The following SNAP25 variants were observed in gnomAD, a reference collection of about 807,000 sequenced individuals.
The protein encoded by SNAP25 is synaptosomal-associated protein 25.
SNAP25 carries 3 observed loss-of-function variants against 28.7 expected under a neutral mutation model. That is an observed-to-expected ratio of 0.10 (90% CI 0.05 to 0.27). The LOEUF is 0.27. Among genes scored for constraint, SNAP25 ranks in the 10% least tolerant of loss-of-function variants. SNAP25 has a pLI of 1.00. For synonymous variants in SNAP25, 61 were observed against 88.1 expected (o/e 0.69, Z 1.72); for missense variants, 117 against 278.7 (o/e 0.42, Z 4.13).
intron 5 of SNAP25, among the ~76,000 whole-genome samples, chr20:10,295,688 C>CA (rs33935419): frequency 0.45 from 68,322 of 151,098 alleles, 16,019 homozygotes; most frequent in Middle Eastern, 0.54. Context: ...TGGTGTCTTA[C>CA]AAAAAAAAAT....
intron 7 of SNAP25, among the ~76,000 whole-genome samples, chr20:10,305,536 T>C (rs1336939705): frequency 6.6e-6 from 1 of 152,074 alleles, no homozygotes; most frequent in Non-Finnish European, 1.5e-5. Context: ...AGCAAGACCC[T>C]GTCTCAAAAA....
At chr20:10,232,300 T>G (rs1280704013) in intron 1 of SNAP25, among the ~76,000 whole-genome samples, 1 of 152,238 alleles carries the variant, frequency 6.6e-6, no homozygotes, top group African/African-American at 2.4e-5. Context: ...TTGGCATAGC[T>G]TGGGCCAAGT....
intron 4 of SNAP25, 148 bp downstream of exon 4, chr20:10,284,920 T>C (rs2063846397): frequency 1.5e-6 from 1 of 646,666 alleles, no homozygotes; most frequent in Non-Finnish European, 2.7e-6. Context: ...TTGCTTTTTT[T>C]CTTTCTCTGT....
intron 1 of SNAP25, among the ~76,000 whole-genome samples, chr20:10,234,257 T>A (rs1199711815): frequency 6.6e-6 from 1 of 152,140 alleles, no homozygotes; most frequent in Non-Finnish European, 1.5e-5. Context: ...TTTGCAGATA[T>A]GAAAACTGGG....
chr20:10,239,862 G>A (rs1405209690), intron 1 of SNAP25, among the ~76,000 whole-genome samples: 2 of 152,152 alleles, frequency 1.3e-5, no homozygotes, highest in Non-Finnish European at 2.9e-5. Context: ...GAAGCCCCCT[G>A]ACTTTGGGGA....
At chr20:10,245,691 TACACAC>T (rs34503380) in intron 1 of SNAP25, among the ~76,000 whole-genome samples, 1 of 150,882 alleles carries the variant, frequency 6.6e-6, no homozygotes, top group Non-Finnish European at 1.5e-5. Context: ...CTTCATCTTA[TACACAC>T]ACACACACAC....
At chr20:10,280,936 C>G (rs1382470067) in intron 3 of SNAP25, among the ~76,000 whole-genome samples, 1 of 152,098 alleles carries the variant, frequency 6.6e-6, no homozygotes, top group African/African-American at 2.4e-5. Flanking sequence ...TTCAGATATG[C>G]AGATGTGGGG....
chr20:10,250,106 A>G (rs1279039787), intron 1 of SNAP25, among the ~76,000 whole-genome samples: 1 of 152,172 alleles, frequency 6.6e-6, no homozygotes, highest in Non-Finnish European at 1.5e-5. Context: ...AAGAAAAAAA[A>G]CTGATTGCAA....
intron 1 of SNAP25, among the ~76,000 whole-genome samples, chr20:10,269,408 A>T (rs1288617633): frequency 1.1e-4 from 17 of 152,346 alleles, no homozygotes; most frequent in African/African-American, 4.8e-5. Context: ...TCTTAAAAAT[A>T]AAAAATTAAA....
chr20:10,279,909 C>T (rs2063751302), intron 3 of SNAP25, among the ~76,000 whole-genome samples: 1 of 152,192 alleles, frequency 6.6e-6, no homozygotes, highest in Non-Finnish European at 1.5e-5. Flanking sequence ...TATGGTCAAA[C>T]ATCCTGATGT....
At chr20:10,282,111 A>T (rs1378577158) in intron 3 of SNAP25, among the ~76,000 whole-genome samples, 10 of 150,242 alleles carry the variant, frequency 6.7e-5, no homozygotes, top group South Asian at 6.3e-4. Context: ...TGCCTAGAGC[A>T]GAGTAGAGGC....
At chr20:10,240,483 G>T (rs1403594937) in intron 1 of SNAP25, among the ~76,000 whole-genome samples, 2 of 152,312 alleles carry the variant, frequency 1.3e-5, no homozygotes, top group South Asian at 4.1e-4. Flanking sequence ...ATGCTCAAGA[G>T]AAGGAGATGA....
At chr20:10,280,077 C>T (rs922004487) in intron 3 of SNAP25, among the ~76,000 whole-genome samples, 2 of 152,288 alleles carry the variant, frequency 1.3e-5, no homozygotes, top group Non-Finnish European at 1.5e-5. Flanking sequence ...GGTTTGACAG[C>T]GCCATATAAT....
At chr20:10,296,802 T>C in intron 5 of SNAP25, 123 bp from the exon 6 acceptor site, 1 of 1,446,082 alleles carries the variant, frequency 6.9e-7, no homozygotes, top group East Asian at 2.3e-5. Context: ...TATATCGGTA[T>C]TATCTAATGC....
intron 1 of SNAP25, among the ~76,000 whole-genome samples, chr20:10,220,646 G>A (rs757785979): frequency 2.0e-5 from 3 of 152,218 alleles, no homozygotes; most frequent in South Asian, 4.1e-4. Context: ...TCTGTTTGAT[G>A]TAGATAAAAC....
At chr20:10,263,754 C>T (rs1008310212) in intron 1 of SNAP25, among the ~76,000 whole-genome samples, 4 of 152,144 alleles carry the variant, frequency 2.6e-5, no homozygotes, top group African/African-American at 4.8e-5. Context: ...AGGTTTCTTG[C>T]GAGAGCTCCT....
At chr20:10,306,015 A>C in intron 7 of SNAP25, 114 bp from the exon 8 acceptor site, 1 of 855,976 alleles carries the variant, frequency 1.2e-6, no homozygotes. Context: ...GCCCATGCTG[A>C]CCAAGGAGGT....
chr20:10,243,572 T>C (rs536639755), intron 1 of SNAP25, among the ~76,000 whole-genome samples: 1 of 152,346 alleles, frequency 6.6e-6, no homozygotes, highest in African/African-American at 2.4e-5. Flanking sequence ...CTGTGGAATG[T>C]CATCCAATCT....
chr20:10,282,524 A>G (rs2063799569), intron 3 of SNAP25, among the ~76,000 whole-genome samples: 1 of 152,222 alleles, frequency 6.6e-6, no homozygotes, highest in Admixed American at 6.5e-5. Flanking sequence ...AACATTCAGC[A>G]CCAAATTGGA....
Sources: gnomAD v4.1 joint callset for allele counts (sites outside exome capture counted in the v4.1 genomes callset) on GRCh38, gnomAD v4.1.1 for gene constraint, MANE v1.5 for transcripts, NCBI Gene and HGNC (gene_info 2026-07-23, HGNC 2026-07-21) for gene names.